Variants in AVPR1B observed in about 807,000 individuals in gnomAD.
AVPR1B encodes the protein arginine vasopressin receptor 1B.
AVPR1B carries 25 observed loss-of-function variants against 27.5 expected under a neutral mutation model. That is an observed-to-expected ratio of 0.91 (90% CI 0.66 to 1.27). The LOEUF (loss-of-function observed/expected upper bound fraction) is 1.27. AVPR1B is among the 50% of genes most tolerant of loss of function. The probability of loss-of-function intolerance (pLI) is 0.00; values close to 1 mark genes in which losing one functional copy is unlikely to be tolerated. For synonymous variants in AVPR1B, 248 were observed against 240.2 expected (o/e 1.03, Z -0.30); for missense variants, 595 against 556.9 (o/e 1.07, Z -0.69).
In AVPR1B at chr1:206,108,504, G is replaced by T. The variant is rs1663317826; in HGVS notation, c.*1685C>A. On this transcript the variant is annotated 3_prime_UTR_variant, in exon 2 of 2. Coordinates refer to ENST00000367126, the MANE Select transcript of AVPR1B (RefSeq NM_000707.5). ...CCTCAAAGCTTCCCTGGGAGTCAGG[G>T]GTAGAGACTGAAAGTGTTCCCTAGA... is the stretch of plus-strand genomic sequence containing the variant. Among the ~76,000 whole-genome samples the T allele has an allele frequency of 6.6e-6, 1 of 152,178 alleles. No individual in the cohort carries two copies. Among genetic ancestry groups the T allele is most frequent in the Admixed American group, 6.5e-5 (1 of 15,278 alleles).
In AVPR1B at chr1:206,117,106, C is replaced by T; in HGVS notation, c.-216G>A. 1.6e-6 allele frequency: 1 copy of T among 607,256 alleles called. No homozygotes were observed. The highest frequency in any genetic ancestry group is 2.9e-6 in the Non-Finnish European group (1 of 342,242). The allele number at this position is 607,256 out of a possible 1,614,324, so 37.6% of individuals were successfully genotyped here. A position where few individuals can be genotyped will look rare whatever the true frequency, so the allele number is the denominator to read the frequency against. ...CGGAAGGAGAAAATGTGACTGGGAT[C>T]GACCCAGGAGAGGGAGAAGGAGGGG... On this transcript the variant is annotated 5_prime_UTR_variant, in exon 1 of 2. Transcript: ENST00000367126.
Position 206,111,936 on chromosome 1 carries a change from G to A in AVPR1B, c.941-1413C>T, listed in dbSNP as rs34847455. Among the ~76,000 whole-genome samples, 819 of 152,340 alleles carry A rather than the reference G, an allele frequency of 5.4e-3. 3 individuals are homozygous for A. The highest frequency in any genetic ancestry group is 8.0e-3 in the Non-Finnish European group (544 of 68,030). On this transcript the variant is annotated intron_variant, in intron 1 of 1. Transcript: ENST00000367126. ...CGGCTGGGCGCAGTGGCTTACGCCC[G>A]TAATCCCAACACTTTGGGAGGTCGA...
At position 206,110,565 on chromosome 1, in the gene AVPR1B, G is replaced by A. The variant is rs782592426; in HGVS notation, c.941-42C>T. 2.2e-5 allele frequency: 34 copies of A among 1,531,886 alleles called. No homozygotes were observed. In the Admixed American group the frequency reaches 4.6e-4, roughly 21 times the overall value. The allele number at this position is 1,531,886 out of a possible 1,614,324, so 94.9% of individuals were successfully genotyped here. Reference sequence around the variant, plus strand: ...ATGAGAAGCCTCAGAATGGCAGCTCGAAGGGACCTGGGAGAGCGTCCAGGC... The same window carrying A: ...ATGAGAAGCCTCAGAATGGCAGCTCAAAGGGACCTGGGAGAGCGTCCAGGC... On this transcript the variant is annotated intron_variant, in intron 1 of 1. Coordinates refer to ENST00000367126, the MANE Select transcript of AVPR1B (RefSeq NM_000707.5).
rs782129173 is a variant in AVPR1B at position 206,110,556 on chromosome 1, TG to T, written c.941-34del. On this transcript the variant is annotated intron_variant, in intron 1 of 1. Transcript: ENST00000367126. ...GAGAGAAGCATGAGAAGCCTCAGAA[TG>T]GCAGCTCGAAGGGACCTGGGAGAGC... 4.7e-5 allele frequency: 73 copies of T among 1,558,866 alleles called. No homozygotes were observed. The South Asian group carries it at 8.8e-4, about 19-fold the overall frequency.
rs1342933896 is a variant in AVPR1B, at chr1:206,107,701, G to A, written c.*2488C>T. 6.6e-6 allele frequency among the ~76,000 whole-genome samples: 1 copy of A among 152,162 alleles called. No individual in the cohort carries two copies. Among genetic ancestry groups the A allele is most frequent in the Non-Finnish European group, 1.5e-5 (1 of 68,038 alleles). On this transcript the variant is annotated 3_prime_UTR_variant, in exon 2 of 2. Coordinates refer to ENST00000367126, the MANE Select transcript of AVPR1B (RefSeq NM_000707.5). ...TAAGAGGGGATCTATAGAAGGCAAA[G>A]GGTAGACAAGAAAGTGCTTTAGTCA...
At chr1:206,114,975 G>T (rs558989862) in intron 1 of AVPR1B, among the ~76,000 whole-genome samples, 29 of 152,338 alleles carry the variant, frequency 1.9e-4, no homozygotes, top group Non-Finnish European at 3.1e-4. Context: ...GAGCCCCCAT[G>T]GTTGGCTAGA....
At chr1:206,113,299 G>A (rs1330767599) in intron 1 of AVPR1B, among the ~76,000 whole-genome samples, 1 of 152,124 alleles carries the variant, frequency 6.6e-6, no homozygotes, top group Non-Finnish European at 1.5e-5. Flanking sequence ...GCTGATGGTC[G>A]GGGACAGGGG....
chr1:206,115,943 C>A lies in AVPR1B; in HGVS notation c.940+8G>T. Reference sequence around the variant, plus strand: ...CCACCTCACTGCCCCCACATAGACCCCACTTGCCTTCATCAGGGGCATTCT... The same window carrying A: ...CCACCTCACTGCCCCCACATAGACCACACTTGCCTTCATCAGGGGCATTCT... On this transcript the variant is annotated splice_region_variant and intron_variant, in intron 1 of 1. Transcript: ENST00000367126. 2 of 1,587,298 alleles carry A rather than the reference C, an allele frequency of 1.3e-6. No homozygotes were observed. Among genetic ancestry groups the A allele is most frequent in the East Asian group, 2.2e-5 (1 of 44,462 alleles).
At chr1:206,115,445 T>C (rs1553290358) in intron 1 of AVPR1B, among the ~76,000 whole-genome samples, 1 of 152,218 alleles carries the variant, frequency 6.6e-6, no homozygotes, top group Admixed American at 6.5e-5. Flanking sequence ...AGTTCCTCTC[T>C]GAGCCTCTGT....
chr1:206,110,297 G>A lies in AVPR1B; in HGVS notation c.1167C>T (p.Leu389=). 1 of 1,613,874 alleles carries A rather than the reference G, an allele frequency of 6.2e-7. No homozygotes were observed. Among genetic ancestry groups the A allele is most frequent in the Non-Finnish European group, 8.5e-7 (1 of 1,180,010 alleles). Residue 389 remains leucine, a synonymous_variant, in exon 2 of 2, where the codon CTC becomes CTT. Transcript: ENST00000367126. ...TGAGGGTTAGGCTGAGGCTGAGGCT[G>A]AGGGTGGCCGGGCAGCTGGAGCGGG... The part of the protein sequence containing the change: ...LLTRSSCPAT[L]SLSLSLTLSG...
intron 1 of AVPR1B, among the ~76,000 whole-genome samples, chr1:206,114,094 A>C (rs1194712003): frequency 1.3e-5 from 2 of 152,230 alleles, no homozygotes. Flanking sequence ...CGCCTCTTGC[A>C]TGGTTGTATT....
chr1:206,111,652 T>A (rs1663378331), intron 1 of AVPR1B, among the ~76,000 whole-genome samples: 1 of 152,234 alleles, frequency 6.6e-6, no homozygotes, highest in Non-Finnish European at 1.5e-5. Flanking sequence ...AAAGCTCAAC[T>A]GCCTACTCTG....
chr1:206,108,016 C>T lies in AVPR1B; in HGVS notation c.*2173G>A, dbSNP rs957876660. Among the ~76,000 whole-genome samples, 4 of 152,084 alleles carry T rather than the reference C, an allele frequency of 2.6e-5. No individual in the cohort carries two copies. The highest frequency in any genetic ancestry group is 5.9e-5 in the Non-Finnish European group (4 of 68,026). On this transcript the variant is annotated 3_prime_UTR_variant, in exon 2 of 2. Transcript: ENST00000367126. ...GTGAGATCAAGATGCAAACCCAGGT[C>T]TTTGGGGCACACAGCTGGTGTTCCT...
At position 206,116,977 on chromosome 1, in the gene AVPR1B, G is replaced by A; in HGVS notation, c.-87C>T. 2.4e-6 allele frequency: 3 copies of A among 1,261,540 alleles called. No homozygotes were observed. The highest frequency in any genetic ancestry group is 2.8e-5 in the South Asian group (2 of 70,362). The allele number at this position is 1,261,540 out of a possible 1,614,324, so 78.1% of individuals were successfully genotyped here. A position where few individuals can be genotyped will look rare whatever the true frequency, so the allele number is the denominator to read the frequency against. ...ATGGATAAAATGGAGTGGCAGGGGA[G>A]GTGGAGAGAAAGGAGAAGCGTTGAG... On this transcript the variant is annotated 5_prime_UTR_variant, in exon 1 of 2. Coordinates refer to ENST00000367126, the MANE Select transcript of AVPR1B (RefSeq NM_000707.5).
rs1274139020 is a variant in AVPR1B at position 206,110,367 on chromosome 1, C to T, written c.1097G>A (p.Arg366Gln). 8.1e-6 allele frequency: 13 copies of T among 1,610,078 alleles called. No homozygotes were observed. The highest frequency in any genetic ancestry group is 3.4e-5 in the Admixed American group (2 of 59,386). ...GCTCGAGAGGCTGCCGTCGGAGAGC[C>T]GCCGGCGCATCCTGGGCTGGGGACC... ...CGGPQPRMRRRLSDGSLSSRH... is the reference protein window; with the variant it reads ...CGGPQPRMRRQLSDGSLSSRH... The change falls in exon 2 of 2, where the codon CGG becomes CAG. Residue 366 changes from arginine to glutamine, a missense_variant. Transcript: ENST00000367126.
At chr1:206,110,561 G>A (rs781993287) in intron 1 of AVPR1B, 38 bp from the exon 2 acceptor site, 1 of 1,542,838 alleles carries the variant, frequency 6.5e-7, no homozygotes. Flanking sequence ...CAGAATGGCA[G>A]CTCGAAGGGA....
At chr1:206,112,503 G>C (rs1183585109) in intron 1 of AVPR1B, among the ~76,000 whole-genome samples, 1 of 152,110 alleles carries the variant, frequency 6.6e-6, no homozygotes, top group Non-Finnish European at 1.5e-5. Flanking sequence ...TTCTTTTTGA[G>C]ACAGGGTCTC....
Position 206,116,187 on chromosome 1 carries a change from T to C in AVPR1B, c.704A>G (p.Gln235Arg), listed in dbSNP as rs781854707. 6.3e-7 allele frequency: 1 copy of C among 1,577,470 alleles called. No homozygotes were observed. The highest frequency in any genetic ancestry group is 1.1e-5 in the South Asian group (1 of 90,482). The change falls in exon 1 of 2, where the codon CAG (glutamine) becomes CGG (arginine). Residue 235 changes from glutamine (Q) to arginine (R), a missense_variant. Physicochemically the swap from Gln to Arg is conservative, Grantham distance 43 (BLOSUM62 1). Transcript: ENST00000367126. Reference protein sequence around the residue: ...EICKNLKVKTQAWRVGGGGWR... With the variant: ...EICKNLKVKTRAWRVGGGGWR... Reference sequence around the variant, plus strand: ...GCCCCCTCCTCCCACCCGCCAGGCCTGTGTCTTGACTTTTAGGTTTTTACA... The same window carrying C: ...GCCCCCTCCTCCCACCCGCCAGGCCCGTGTCTTGACTTTTAGGTTTTTACA...
chr1:206,116,310 C>T lies in AVPR1B; in HGVS notation c.581G>A (p.Trp194Ter), dbSNP rs1663469352. The T allele has an allele frequency of 6.2e-7, 1 of 1,613,446 alleles. No individual in the cohort carries two copies. The highest frequency in any genetic ancestry group is 1.3e-5 in the African/African-American group (1 of 74,938). Residue 194 changes from tryptophan (W) to a stop codon, truncating the protein, a stop_gained, in exon 1 of 2, where the codon TGG becomes TAG. Transcript: ENST00000367126. LOFTEE classifies it high-confidence loss of function. Reference protein sequence around the residue: ...LDCWADFGFPWGPRAYLTWTT... With the variant: ...LDCWADFGFP ...CCAGGTGAGGTAGGCCCGTGGCCCC[C>T]AAGGGAAGCCGAAGTCTGCCCAGCA...
Sources: allele counts gnomAD v4.1 joint callset (sites outside exome capture counted in the v4.1 genomes callset), GRCh38; gene constraint gnomAD v4.1.1; transcripts MANE v1.5; gene names NCBI Gene and HGNC (gene_info 2026-07-23, HGNC 2026-07-21).